The following SAMTOR variants were observed in gnomAD, a reference collection of about 807,000 sequenced individuals.
SAMTOR encodes UPF0532 protein C7orf60.
chr7:112,927,316 T>C, the SAMTOR span, among the ~76,000 whole-genome samples: 1 of 152,068 alleles, frequency 6.6e-6, no homozygotes, highest in African/African-American at 2.4e-5. Flanking sequence ...AGATATACTA[T>C]TTAAAAGGAC....
At chr7:112,936,298 T>C in the SAMTOR span, among the ~76,000 whole-genome samples, 1 of 152,216 alleles carries the variant, frequency 6.6e-6, no homozygotes, top group South Asian at 2.1e-4. Flanking sequence ...CTACCATTTC[T>C]TTTTAGTAAC....
chr7:112,913,593 T>C, the SAMTOR span, among the ~76,000 whole-genome samples: 1 of 152,230 alleles, frequency 6.6e-6, no homozygotes. Flanking sequence ...AAAACAGCCA[T>C]ATGACTTCCC....
At chr7:112,933,356 G>T in the SAMTOR span, among the ~76,000 whole-genome samples, 2 of 152,170 alleles carry the variant, frequency 1.3e-5, no homozygotes, top group African/African-American at 4.8e-5. Context: ...AGACACTATA[G>T]AAATGGCTAC....
chr7:112,893,186 C>T, the SAMTOR span, among the ~76,000 whole-genome samples: 1 of 152,202 alleles, frequency 6.6e-6, no homozygotes, highest in African/African-American at 2.4e-5. Flanking sequence ...CTCTGAAGCT[C>T]TGAAGCCAGG....
chr7:112,939,813 G>T, the SAMTOR span: 2 of 1,341,758 alleles, frequency 1.5e-6, no homozygotes, highest in Admixed American at 2.1e-5. Flanking sequence ...AGATGGAGGA[G>T]GTGGGGTAGG....
the SAMTOR span, among the ~76,000 whole-genome samples, chr7:112,896,131 C>A: frequency 6.6e-6 from 1 of 152,142 alleles, no homozygotes; most frequent in Admixed American, 6.5e-5. Flanking sequence ...AGACAGATAA[C>A]CCAACAGCTG....
the SAMTOR span, among the ~76,000 whole-genome samples, chr7:112,902,347 C>T: frequency 4.3e-5 from 6 of 139,654 alleles, no homozygotes; most frequent in East Asian, 2.1e-4. Flanking sequence ...CTGCAGTGGA[C>T]GGAGGTTGCG....
the SAMTOR span, among the ~76,000 whole-genome samples, chr7:112,824,326 A>G: frequency 1.1e-4 from 16 of 151,984 alleles, no homozygotes; most frequent in South Asian, 2.9e-3. Context: ...TTTTTCATTT[A>G]GGTCTATGAT....
At chr7:112,831,008 G>A in the SAMTOR span, among the ~76,000 whole-genome samples, 1 of 151,768 alleles carries the variant, frequency 6.6e-6, no homozygotes, top group Admixed American at 6.6e-5. Context: ...TCAAACCTAG[G>A]CTGGAAACAT....
chr7:112,912,877 G>T, the SAMTOR span, among the ~76,000 whole-genome samples: 110 of 152,194 alleles, frequency 7.2e-4, no homozygotes, highest in African/African-American at 2.3e-3. Flanking sequence ...CAAGTAGAAG[G>T]TGAAAGCAAT....
chr7:112,913,205 C>G, the SAMTOR span, among the ~76,000 whole-genome samples: 1 of 152,160 alleles, frequency 6.6e-6, no homozygotes, highest in African/African-American at 2.4e-5. Context: ...TATTTTGGCA[C>G]CTTTCTTTAG....
At chr7:112,902,719 C>T in the SAMTOR span, among the ~76,000 whole-genome samples, 1 of 152,018 alleles carries the variant, frequency 6.6e-6, no homozygotes, top group African/African-American at 2.4e-5. Flanking sequence ...GGAGGCTATG[C>T]ATGTTTGGGA....
chr7:112,851,599 ACTC>A, the SAMTOR span, among the ~76,000 whole-genome samples: 6 of 152,126 alleles, frequency 3.9e-5, no homozygotes, highest in African/African-American at 1.4e-4. Context: ...TCCAGGGAAA[ACTC>A]TTCTGGAGAT....
At chr7:112,927,801 T>G in the SAMTOR span, among the ~76,000 whole-genome samples, 1 of 152,068 alleles carries the variant, frequency 6.6e-6, no homozygotes, top group African/African-American at 2.4e-5. Flanking sequence ...TGACTTCTAT[T>G]TAGTTATCCC....
At chr7:112,870,204 C>T in the SAMTOR span, among the ~76,000 whole-genome samples, 1 of 152,074 alleles carries the variant, frequency 6.6e-6, no homozygotes, top group Non-Finnish European at 1.5e-5. Flanking sequence ...CAGAGAAGTC[C>T]TGTGAGATAC....
At chr7:112,925,013 T>C in the SAMTOR span, among the ~76,000 whole-genome samples, 5 of 152,184 alleles carry the variant, frequency 3.3e-5, no homozygotes, top group Non-Finnish European at 7.3e-5. Context: ...GAATACCACA[T>C]ACCGAAGTTC....
At chr7:112,898,022 G>A in the SAMTOR span, among the ~76,000 whole-genome samples, 10 of 152,274 alleles carry the variant, frequency 6.6e-5, 1 homozygote, top group Admixed American at 3.3e-4. Flanking sequence ...AAATAACTAC[G>A]GGACTTTGCA....
chr7:112,926,654 G>A, the SAMTOR span, among the ~76,000 whole-genome samples: 3 of 152,096 alleles, frequency 2.0e-5, no homozygotes, highest in African/African-American at 4.8e-5. Context: ...AGTAGAAGAT[G>A]CACCTGTATA....
the SAMTOR span, among the ~76,000 whole-genome samples, chr7:112,918,045 T>A: frequency 1.3e-5 from 2 of 152,198 alleles, no homozygotes; most frequent in Non-Finnish European, 2.9e-5. Flanking sequence ...CCAGGAGAAC[T>A]TCCCCAATCT....
Sources: allele counts gnomAD v4.1 joint callset (sites outside exome capture counted in the v4.1 genomes callset), GRCh38; gene constraint gnomAD v4.1.1; transcripts MANE v1.5; gene names NCBI Gene and HGNC (gene_info 2026-07-23, HGNC 2026-07-21).